The following RASGEF1B variants were observed in gnomAD, a reference collection of about 807,000 sequenced individuals.
The protein encoded by RASGEF1B is ras-GEF domain-containing family member 1B.
In RASGEF1B, 30 loss-of-function variants were observed where a neutral mutation model predicts 65.7. That is an observed-to-expected ratio of 0.46 (90% CI 0.34 to 0.62). The LOEUF is 0.62. Among genes scored for constraint, RASGEF1B ranks in the 20% least tolerant of loss-of-function variants. The pLI is 0.01. For missense variants in RASGEF1B, 495 were observed against 580.1 expected (o/e 0.85, Z 1.51); for synonymous variants, 175 against 194.8 (o/e 0.90, Z 0.85).
chr4:81,437,031 GTAACAA>G (rs2109970154), intron 10 of RASGEF1B, among the ~76,000 whole-genome samples: 1 of 152,256 alleles, frequency 6.6e-6, no homozygotes, highest in Admixed American at 6.5e-5. Flanking sequence ...AAACAGCATA[GTAACAA>G]TAGTAAAAGT....
chr4:81,446,518 C>T (rs1394312424), intron 6 of RASGEF1B, among the ~76,000 whole-genome samples: 2 of 152,046 alleles, frequency 1.3e-5, no homozygotes, highest in South Asian at 4.1e-4. Flanking sequence ...CTGCTATAAT[C>T]GATACAGCAA....
At chr4:81,428,610 T>C (rs7697815) in intron 13 of RASGEF1B, among the ~76,000 whole-genome samples, 2,644 of 152,350 alleles carry the variant, frequency 0.017, 81 homozygotes, top group African/African-American at 0.061. Context: ...TTAGGTATTA[T>C]AAGTAATCTA....
chr4:81,441,074 C>T (rs1721817620), intron 9 of RASGEF1B, 145 bp from the exon 10 acceptor site: 2 of 559,962 alleles, frequency 3.6e-6, no homozygotes, highest in Non-Finnish European at 6.3e-6. Flanking sequence ...TTCTCATACA[C>T]ACAAATGCAC....
chr4:81,427,851 T>C (rs1441048816), intron 13 of RASGEF1B, 59 bp from the exon 14 acceptor site: 32 of 1,514,686 alleles, frequency 2.1e-5, no homozygotes, highest in Non-Finnish European at 2.9e-5. Flanking sequence ...TGAACTAGGA[T>C]GAAAATGCCT....
intron 1 of RASGEF1B, among the ~76,000 whole-genome samples, chr4:81,465,806 T>A (rs931330667): frequency 2.0e-5 from 3 of 152,230 alleles, no homozygotes; most frequent in African/African-American, 7.2e-5. Flanking sequence ...GTATGGGAAC[T>A]GAATCAAAAG....
intron 13 of RASGEF1B, among the ~76,000 whole-genome samples, chr4:81,428,127 T>C (rs1047665312): frequency 6.6e-6 from 1 of 152,230 alleles, no homozygotes; most frequent in Non-Finnish European, 1.5e-5. Flanking sequence ...CAGATAGATT[T>C]ACTTGGTAGA....
chr4:81,455,151 T>A (rs1560706912), intron 4 of RASGEF1B: 1 of 152,208 alleles, frequency 6.6e-6, no homozygotes, highest in African/African-American at 2.4e-5. Context: ...TCACAAAAAA[T>A]TGCGGCTGGG....
At chr4:81,444,925 G>C (rs1306157275) in intron 8 of RASGEF1B, among the ~76,000 whole-genome samples, 1 of 152,178 alleles carries the variant, frequency 6.6e-6, no homozygotes, top group Non-Finnish European at 1.5e-5. Context: ...TTTAATGAAA[G>C]AGCTACTATC....
chr4:81,432,315 T>C lies in RASGEF1B; in HGVS notation c.1381A>G (p.Arg461Gly). 1 of 1,605,798 alleles carries C rather than the reference T, an allele frequency of 6.2e-7. No individual in the cohort carries two copies. Among genetic ancestry groups the C allele is most frequent in the African/African-American group, 1.3e-5 (1 of 74,856 alleles). ...GAGACCCACCTTAAAGACTTCCATC[T>C]GTCTTTCTCTATATGATTTTCAGGT... Reference protein sequence around the residue: ...EGPENHIEKDRWKSLRSSLLG... With the variant: ...EGPENHIEKDGWKSLRSSLLG... Residue 461 changes from arginine to glycine, a missense_variant, in exon 13 of 14, where the codon AGA becomes GGA. Arg to Gly is a moderately radical substitution (Grantham distance 125). Coordinates refer to ENST00000264400, the MANE Select transcript of RASGEF1B (RefSeq NM_152545.3).
At chr4:81,471,091 C>T (rs1295415522) in intron 1 of RASGEF1B, 1 of 152,196 alleles carries the variant, frequency 6.6e-6, no homozygotes, top group African/African-American at 2.4e-5. Flanking sequence ...AAAAGCAAGG[C>T]GACTCAGTGT....
intron 12 of RASGEF1B, 44 bp from the exon 13 acceptor site, chr4:81,432,415 C>G: frequency 7.2e-6 from 9 of 1,242,318 alleles, no homozygotes; most frequent in Non-Finnish European, 1.1e-5. Context: ...AAAGCCTTCT[C>G]CTGATATATT....
intron 6 of RASGEF1B, among the ~76,000 whole-genome samples, chr4:81,446,322 G>A (rs192448879): frequency 5.3e-5 from 8 of 152,314 alleles, no homozygotes; most frequent in South Asian, 2.1e-4. Flanking sequence ...GTAGTGAACC[G>A]GGATCGTGCC....
chr4:81,434,607 T>C, intron 11 of RASGEF1B, 32 bp downstream of exon 11: 1 of 1,336,110 alleles, frequency 7.5e-7, no homozygotes. Context: ...TCCTTGTGCT[T>C]GGATTTTTGT....
rs747743566 is a variant in RASGEF1B, at chr4:81,457,633, GA to G, written c.178-13del. On this transcript the variant is annotated splice_polypyrimidine_tract_variant and intron_variant, in intron 2 of 13. Transcript: ENST00000264400. Reference sequence around the variant, plus strand: ...AATATGTATGTTCTCTGCAGCAACAGAAAAAAGTCATCATCGTTACATTCTC... The same window carrying G: ...AATATGTATGTTCTCTGCAGCAACAGAAAAAGTCATCATCGTTACATTCTC... 1.2e-6 allele frequency: 2 copies of G among 1,610,010 alleles called. No homozygotes were observed. Among genetic ancestry groups the G allele is most frequent in the Non-Finnish European group, 1.7e-6 (2 of 1,178,766 alleles).
chr4:81,466,770 A>AAATAAAGAAAGAAAG (rs3973161), intron 1 of RASGEF1B, among the ~76,000 whole-genome samples: 1 of 36,100 alleles, frequency 2.8e-5, no homozygotes, highest in Non-Finnish European at 5.3e-5. Flanking sequence ...AAAAAAAAAA[A>AAATAAAGAAAGAAAG]AAAGAAAGAA....
chr4:81,433,053 A>G (rs79453296), intron 12 of RASGEF1B, among the ~76,000 whole-genome samples: 2 of 135,888 alleles, frequency 1.5e-5, no homozygotes, highest in Non-Finnish European at 3.3e-5. Context: ...TCTCTACAAG[A>G]AAAAAAAAAA....
chr4:81,453,092 T>C (rs538934942), intron 4 of RASGEF1B: 1 of 152,184 alleles, frequency 6.6e-6, no homozygotes, highest in South Asian at 2.1e-4. Flanking sequence ...AATTTTTCCC[T>C]ATTCCAGTAA....
chr4:81,443,457 A>C (rs1357050219), intron 8 of RASGEF1B, among the ~76,000 whole-genome samples: 1 of 152,188 alleles, frequency 6.6e-6, no homozygotes, highest in East Asian at 1.9e-4. Context: ...CCACCACAGA[A>C]ATCAGAACAG....
chr4:81,450,118 G>A (rs1722198797), intron 4 of RASGEF1B, among the ~76,000 whole-genome samples: 1 of 152,160 alleles, frequency 6.6e-6, no homozygotes, highest in East Asian at 1.9e-4. Context: ...CAAGGGAAAT[G>A]TCTTTTTTTT....
Sources: allele counts gnomAD v4.1 joint callset (sites outside exome capture counted in the v4.1 genomes callset), GRCh38; gene constraint gnomAD v4.1.1; transcripts MANE v1.5; gene names NCBI Gene and HGNC (gene_info 2026-07-23, HGNC 2026-07-21).